The following SETBP1 variants were observed in gnomAD, a reference collection of about 807,000 sequenced individuals.
SETBP1 encodes SET-binding protein.
A neutral mutation model predicts 101.0 loss-of-function variants in SETBP1; 9 were observed. The ratio of observed to expected loss-of-function variants is 0.09; its 90% CI spans 0.05 to 0.16. The LOEUF (loss-of-function observed/expected upper bound fraction) is 0.16. Ranked by LOEUF, SETBP1 falls within the 10% of genes least tolerant of loss-of-function variation. The pLI, the probability that SETBP1 is intolerant of heterozygous loss-of-function variation, is 1.00. For synonymous variants in SETBP1, 818 were observed against 788.5 expected (o/e 1.04, Z -0.63); for missense variants, 1,858 against 2,033.8 (o/e 0.91, Z 1.66).
Position 44,905,094 on chromosome 18 carries a change from C to T in SETBP1, c.540+35811C>T, listed in dbSNP as rs541888971. ...GACCATGAATAAAAGTATAAGAGAC[C>T]ACAATTATAGAGGTGAGTAGCTTTA... On this transcript the variant is annotated intron_variant, in intron 3 of 5. Coordinates refer to ENST00000649279, the MANE Select transcript of SETBP1 (RefSeq NM_015559.3). Among the ~76,000 whole-genome samples, 3 of 152,198 alleles carry T rather than the reference C, an allele frequency of 2.0e-5. No homozygotes were observed. In the South Asian group the frequency reaches 6.2e-4, roughly 32 times the overall value.
At chr18:44,861,216 T>C (rs2144637095) in intron 2 of SETBP1, among the ~76,000 whole-genome samples, 1 of 149,008 alleles carries the variant, frequency 6.7e-6, no homozygotes, top group Non-Finnish European at 1.5e-5. Context: ...CTTGTGGATT[T>C]CCTTTTTCTT....
intron 2 of SETBP1, among the ~76,000 whole-genome samples, chr18:44,800,137 G>A (rs571043927): frequency 2.6e-5 from 4 of 152,296 alleles, no homozygotes; most frequent in South Asian, 2.1e-4. Context: ...GCTGGTGGTT[G>A]TCAGTGGTTT....
At chr18:44,969,890 G>A (rs2071804447) in intron 4 of SETBP1, among the ~76,000 whole-genome samples, 1 of 152,176 alleles carries the variant, frequency 6.6e-6, no homozygotes, top group Non-Finnish European at 1.5e-5. Context: ...AGGCAGAGCA[G>A]TGTGGCCTTA....
chr18:44,785,991 C>T (rs1320508186), intron 2 of SETBP1, among the ~76,000 whole-genome samples: 1 of 152,126 alleles, frequency 6.6e-6, no homozygotes, highest in Admixed American at 6.5e-5. Context: ...CTGCTGTTCC[C>T]CTCTGTTTTT....
At chr18:44,839,216 G>A (rs935740096) in intron 2 of SETBP1, among the ~76,000 whole-genome samples, 3 of 152,334 alleles carry the variant, frequency 2.0e-5, no homozygotes, top group Admixed American at 6.5e-5. Flanking sequence ...GTTTACGAGT[G>A]TAGATGAACC....
At chr18:44,892,751 C>A (rs901933195) in intron 3 of SETBP1, among the ~76,000 whole-genome samples, 1 of 152,124 alleles carries the variant, frequency 6.6e-6, no homozygotes, top group Non-Finnish European at 1.5e-5. Flanking sequence ...TCCTCATCCA[C>A]ACAATAACTT....
intron 3 of SETBP1, among the ~76,000 whole-genome samples, chr18:44,888,397 G>A (rs975401457): frequency 6.6e-6 from 1 of 151,990 alleles, no homozygotes; most frequent in Non-Finnish European, 1.5e-5. Flanking sequence ...CCTTTTTTCA[G>A]GATCCCAAGA....
At chr18:45,005,943 GC>G (rs2072716265) in intron 4 of SETBP1, among the ~76,000 whole-genome samples, 1 of 131,578 alleles carries the variant, frequency 7.6e-6, no homozygotes, top group Non-Finnish European at 1.6e-5. Flanking sequence ...ACTGCACCCG[GC>G]CTTTTTTTTT....
chr18:44,812,309 T>C (rs2144834394), intron 2 of SETBP1, among the ~76,000 whole-genome samples: 1 of 152,292 alleles, frequency 6.6e-6, no homozygotes, highest in East Asian at 1.9e-4. Context: ...AAATTTATGT[T>C]TTTGCAAATT....
At chr18:44,846,309 G>A (rs971586517) in intron 2 of SETBP1, among the ~76,000 whole-genome samples, 9 of 152,156 alleles carry the variant, frequency 5.9e-5, no homozygotes, top group Non-Finnish European at 1.2e-4. Context: ...ACTCTTAAAA[G>A]TGTGCAATTC....
chr18:44,793,435 A>G (rs1051224409), intron 2 of SETBP1, among the ~76,000 whole-genome samples: 7 of 152,190 alleles, frequency 4.6e-5, no homozygotes, highest in African/African-American at 1.7e-4. Context: ...TCACTGGGCC[A>G]GATCAGTGCT....
intron 2 of SETBP1, among the ~76,000 whole-genome samples, chr18:44,746,854 A>G (rs995256056): frequency 8.5e-5 from 13 of 152,230 alleles, no homozygotes; most frequent in Non-Finnish European, 1.6e-4. Flanking sequence ...CTACGTGCAC[A>G]TGTGATTGGA....
intron 3 of SETBP1, among the ~76,000 whole-genome samples, chr18:44,882,574 A>ATTC (rs2069555104): frequency 6.6e-6 from 1 of 151,790 alleles, no homozygotes; most frequent in South Asian, 2.1e-4. Context: ...GCAAAGAAAG[A>ATTC]ATTCTCCAAA....
chr18:45,063,712 G>T lies in SETBP1; in HGVS notation c.*14G>T. On this transcript the variant is annotated 3_prime_UTR_variant, in exon 6 of 6. Transcript: ENST00000649279. Reference sequence around the variant, plus strand: ...GTCCTTCCCTAGGGCGGGTCTGGGCGTCTGCACCTGGGGCCTAGGGAACTG... The same window carrying T: ...GTCCTTCCCTAGGGCGGGTCTGGGCTTCTGCACCTGGGGCCTAGGGAACTG... 2 of 1,600,516 alleles carry T rather than the reference G, an allele frequency of 1.2e-6. No homozygotes were observed. Among genetic ancestry groups the T allele is most frequent in the East Asian group, 2.3e-5 (1 of 44,174 alleles).
intron 5 of SETBP1, among the ~76,000 whole-genome samples, chr18:45,044,124 G>A (rs1473925655): frequency 6.6e-6 from 1 of 152,106 alleles, no homozygotes; most frequent in African/African-American, 2.4e-5. Context: ...ATCTTTAGAA[G>A]AACCAAAATA....
intron 4 of SETBP1, among the ~76,000 whole-genome samples, chr18:44,956,676 G>A (rs1027595636): frequency 6.6e-6 from 1 of 152,218 alleles, no homozygotes; most frequent in Non-Finnish European, 1.5e-5. Flanking sequence ...TAGAAGCAGA[G>A]TCAAGAGAAG....
chr18:44,704,606 A>G (rs1459988290), intron 2 of SETBP1, among the ~76,000 whole-genome samples: 1 of 152,188 alleles, frequency 6.6e-6, no homozygotes, highest in African/African-American at 2.4e-5. Context: ...TCTGATCTCT[A>G]TGGGATGAGA....
At chr18:44,884,816 T>C (rs959883529) in intron 3 of SETBP1, among the ~76,000 whole-genome samples, 5 of 152,178 alleles carry the variant, frequency 3.3e-5, no homozygotes, top group Admixed American at 3.3e-4. Context: ...ATAAATGGCA[T>C]GGGTAACTGG....
In SETBP1 at chr18:44,834,211, C is replaced by T. The variant is rs60790886; in HGVS notation, c.487-35019C>T. Among the ~76,000 whole-genome samples, 3 of 152,130 alleles carry T rather than the reference C, an allele frequency of 2.0e-5. No individual in the cohort carries two copies. The South Asian group carries it at 6.2e-4, about 32-fold the overall frequency. On this transcript the variant is annotated intron_variant, in intron 2 of 5. Transcript: ENST00000649279. ...ATGCTATGGGTTACCTTCAGTTTCACCTTGCACACAGAAGCTCCCAAGAGG... is the reference window on the plus strand; with the variant it reads ...ATGCTATGGGTTACCTTCAGTTTCATCTTGCACACAGAAGCTCCCAAGAGG...
Sources: gnomAD v4.1 joint callset for allele counts (sites outside exome capture counted in the v4.1 genomes callset) on GRCh38, gnomAD v4.1.1 for gene constraint, MANE v1.5 for transcripts, NCBI Gene and HGNC (gene_info 2026-07-23, HGNC 2026-07-21) for gene names.